ALG6: variants seen among roughly 807,000 people sequenced by gnomAD.
The protein encoded by ALG6 is dolichyl pyrophosphate Man9GlcNAc2 alpha-1,3-glucosyltransferase.
ALG6 carries 46 observed loss-of-function variants against 66.6 expected under a neutral mutation model. That is an observed-to-expected ratio of 0.69 (90% CI 0.55 to 0.88). The LOEUF (loss-of-function observed/expected upper bound fraction) is 0.88, where lower values mean the gene tolerates loss of function less well. Ranked by LOEUF, ALG6 falls within the 40% of genes least tolerant of loss-of-function variation. ALG6 has a pLI of 0.00. For missense variants in ALG6, 505 were observed against 586.8 expected (o/e 0.86, Z 1.44); for synonymous variants, 185 against 203.7 (o/e 0.91, Z 0.78).
intron 6 of ALG6, 67 bp from the exon 7 acceptor site, chr1:63,406,995 C>T: frequency 7.9e-7 from 1 of 1,268,416 alleles, no homozygotes; most frequent in Non-Finnish European, 1.2e-6. Context: ...AGATAAAAAC[C>T]ACACTTTTAC....
Position 63,411,216 on chromosome 1 carries a change from G to A in ALG6, c.565G>A (p.Gly189Arg). 1 of 1,613,650 alleles carries A rather than the reference G, an allele frequency of 6.2e-7. No homozygotes were observed. Among genetic ancestry groups the A allele is most frequent in the Non-Finnish European group, 8.5e-7 (1 of 1,179,750 alleles). Residue 189 changes from glycine (G) to arginine (R), a missense_variant, in exon 8 of 15, where the codon GGG becomes AGG. Coordinates refer to ENST00000263440, the MANE Select transcript of ALG6 (RefSeq NM_013339.4). ...LGISCDCDLL[G>R]SLAFCLAINY... is the part of the protein sequence containing the mutation. ...AATATCTTGTGACTGCGACCTCCTA[G>A]GGTCACTGGCATTTTGCTTAGCTAT...
intron 8 of ALG6, among the ~76,000 whole-genome samples, chr1:63,411,564 G>T (rs1351058321): frequency 6.6e-6 from 1 of 152,114 alleles, no homozygotes; most frequent in Non-Finnish European, 1.5e-5. Flanking sequence ...TGTGGATTGG[G>T]TAGTTAGAAC....
chr1:63,406,971 T>C, intron 6 of ALG6, 91 bp from the exon 7 acceptor site: 1 of 926,200 alleles, frequency 1.1e-6, no homozygotes, highest in South Asian at 1.3e-5. Flanking sequence ...AAGGGGAACA[T>C]TTGCTAATGT....
chr1:63,368,083 C>T (rs1281111445), intron 1 of ALG6, among the ~76,000 whole-genome samples: 1 of 152,132 alleles, frequency 6.6e-6, no homozygotes, highest in Admixed American at 6.5e-5. Flanking sequence ...AAAGTCGGTT[C>T]TGGGATGGGG....
intron 11 of ALG6, 44 bp downstream of exon 11, chr1:63,416,001 G>A: frequency 7.4e-7 from 1 of 1,356,378 alleles, no homozygotes; most frequent in Non-Finnish European, 1.1e-6. Flanking sequence ...TGCCACAACT[G>A]ATCTTTTAAA....
intron 2 of ALG6, among the ~76,000 whole-genome samples, chr1:63,383,860 C>T (rs573620447): frequency 4.3e-4 from 65 of 152,274 alleles, no homozygotes; most frequent in African/African-American, 1.6e-3. Flanking sequence ...TTCTGTTCTT[C>T]ATCTCCAAGA....
intron 2 of ALG6, among the ~76,000 whole-genome samples, chr1:63,384,485 T>TAA (rs1484250483): frequency 6.6e-6 from 1 of 152,186 alleles, no homozygotes; most frequent in Admixed American, 6.5e-5. Context: ...CAGAAGCTTT[T>TAA]AAACTTCATG....
chr1:63,407,506 T>A (rs909282552), intron 7 of ALG6, among the ~76,000 whole-genome samples: 26 of 152,232 alleles, frequency 1.7e-4, no homozygotes, highest in Non-Finnish European at 3.4e-4. Flanking sequence ...TTTATGAGTT[T>A]AAAAATTTTT....
chr1:63,427,043 C>T (rs1318104755), intron 12 of ALG6, among the ~76,000 whole-genome samples: 2 of 152,124 alleles, frequency 1.3e-5, no homozygotes, highest in Non-Finnish European at 2.9e-5. Flanking sequence ...GCTCTGTCAC[C>T]AGGCTGGAGT....
intron 2 of ALG6, among the ~76,000 whole-genome samples, chr1:63,372,622 C>T (rs1647967895): frequency 6.6e-6 from 1 of 151,744 alleles, no homozygotes; most frequent in South Asian, 2.1e-4. Context: ...GTGTATATAG[C>T]AAATGTGTAT....
intron 12 of ALG6, among the ~76,000 whole-genome samples, chr1:63,421,865 G>GT (rs1447198165): frequency 1.3e-5 from 2 of 150,080 alleles, no homozygotes; most frequent in Non-Finnish European, 3.0e-5. Flanking sequence ...ACACTGGCCT[G>GT]TTGGGGGGTG....
chr1:63,420,624 G>T (rs1644568225), intron 12 of ALG6, among the ~76,000 whole-genome samples: 2 of 152,106 alleles, frequency 1.3e-5, no homozygotes, highest in African/African-American at 4.8e-5. Context: ...ACTTTGGGAG[G>T]CTGAGGCAGG....
intron 11 of ALG6, among the ~76,000 whole-genome samples, chr1:63,416,785 T>C (rs1193566606): frequency 6.6e-6 from 1 of 152,178 alleles, no homozygotes; most frequent in East Asian, 1.9e-4. Flanking sequence ...TGTGTTTCTA[T>C]GGCATTTAAA....
At chr1:63,412,120 G>T (rs1220698919) in intron 9 of ALG6, 59 bp downstream of exon 9, 8 of 1,609,932 alleles carry the variant, frequency 5.0e-6, no homozygotes, top group Non-Finnish European at 6.8e-6. Context: ...GACCTTTAGG[G>T]GTTTCATGTA....
intron 7 of ALG6, among the ~76,000 whole-genome samples, chr1:63,409,341 A>G (rs2100419305): frequency 6.6e-6 from 1 of 152,214 alleles, no homozygotes; most frequent in South Asian, 2.1e-4. Flanking sequence ...TGGATATCCA[A>G]ACCGTATATG....
chr1:63,420,145 A>G (rs1167653667), intron 12 of ALG6, among the ~76,000 whole-genome samples: 1 of 152,130 alleles, frequency 6.6e-6, no homozygotes, highest in Admixed American at 6.5e-5. Context: ...TGCTTTTATT[A>G]GGTGGAGCTT....
At chr1:63,426,905 G>T (rs1282361599) in intron 12 of ALG6, among the ~76,000 whole-genome samples, 2 of 152,128 alleles carry the variant, frequency 1.3e-5, no homozygotes, top group African/African-American at 4.8e-5. Flanking sequence ...AAATGGGAAA[G>T]AATTAAACCA....
intron 2 of ALG6, among the ~76,000 whole-genome samples, chr1:63,388,878 T>G (rs1648584090): frequency 6.6e-6 from 1 of 152,188 alleles, no homozygotes; most frequent in African/African-American, 2.4e-5. Flanking sequence ...CCTTCAGTAC[T>G]TTAAATATGT....
Position 63,422,366 on chromosome 1 carries a change from A to AAT in ALG6, c.1058+2934_1058+2935dup, listed in dbSNP as rs1353429077. Among the ~76,000 whole-genome samples, 11 of 103,972 alleles carry AAT rather than the reference A, an allele frequency of 1.1e-4. No individual in the cohort carries two copies. The East Asian group carries it at 2.2e-3, about 21-fold the overall frequency. The allele number at this position is 103,972 out of a possible 152,430, so 68.2% of individuals were successfully genotyped here. A position where few individuals can be genotyped will look rare whatever the true frequency, so the allele number is the denominator to read the frequency against. ...ATAAATATATATCTATATAAATATA[A>AAT]ATATATATAAGTATAAATATATATA... On this transcript the variant is annotated intron_variant, in intron 12 of 14. Coordinates refer to ENST00000263440, the MANE Select transcript of ALG6 (RefSeq NM_013339.4).
Sources: gnomAD v4.1 joint callset for allele counts (sites outside exome capture counted in the v4.1 genomes callset) on GRCh38, gnomAD v4.1.1 for gene constraint, MANE v1.5 for transcripts, NCBI Gene and HGNC (gene_info 2026-07-23, HGNC 2026-07-21) for gene names.